Variants in RAB11FIP5 observed in about 807,000 individuals in gnomAD.
RAB11FIP5 encodes rab11 family-interacting protein 5.
Under a neutral mutation model 85.1 loss-of-function variants are expected in RAB11FIP5, and 48 were observed. The observed-to-expected ratio is 0.56, with a 90% confidence interval of 0.45 to 0.72. RAB11FIP5 has a LOEUF of 0.72. Ranked by LOEUF, RAB11FIP5 falls within the 30% of genes least tolerant of loss-of-function variation. The pLI is 0.00. For missense variants in RAB11FIP5, 1,491 were observed against 1,687.0 expected (o/e 0.88, Z 2.04); for synonymous variants, 729 against 727.3 (o/e 1.00, Z -0.04).
At chr2:73,095,779 C>A (rs1273636876) in intron 1 of RAB11FIP5, among the ~76,000 whole-genome samples, 1 of 152,216 alleles carries the variant, frequency 6.6e-6, no homozygotes, top group Non-Finnish European at 1.5e-5. Context: ...AATGCATATA[C>A]TCCTGCCCTG....
Position 73,080,988 on chromosome 2 carries a change from A to C in RAB11FIP5, c.2244T>G (p.Ala748=). Residue 748 remains alanine, a synonymous_variant, in exon 4 of 6, where the codon GCT becomes GCG. Coordinates refer to ENST00000486777, the MANE Select transcript of RAB11FIP5 (RefSeq NM_001371272.1). ...GCTGGGCTGACGAGGAGGGCAGGCCAGCCCCTACCGACCCGAGGAGCCCTG... is the reference window on the plus strand; with the variant it reads ...GCTGGGCTGACGAGGAGGGCAGGCCCGCCCCTACCGACCCGAGGAGCCCTG... The part of the protein sequence containing the change: ...ADPGLLGSVG[A]GLPSSSAQLQ... The C allele has an allele frequency of 8.1e-7, 1 of 1,232,298 alleles. No homozygotes were observed. Among genetic ancestry groups the C allele is most frequent in the Non-Finnish European group, 1.0e-6 (1 of 988,084 alleles). The allele number at this position is 1,232,298 out of a possible 1,614,324, so 76.3% of individuals were successfully genotyped here. A position where few individuals can be genotyped will look rare whatever the true frequency, so the allele number is the denominator to read the frequency against.
In RAB11FIP5 at chr2:73,074,490, T is replaced by C. The variant is rs1992133; in HGVS notation, c.*1031A>G. On this transcript the variant is annotated 3_prime_UTR_variant, in exon 6 of 6. Coordinates refer to ENST00000486777, the MANE Select transcript of RAB11FIP5 (RefSeq NM_001371272.1). ...AGGGGAGGGGAACAGCCCACAGCAG[T>C]GCTGTCCATTCCCATTCCCAGGGCC... The C allele has an allele frequency of 0.34, 52,159 of 153,048 alleles. 11,062 individuals are homozygous for C. Among genetic ancestry groups the C allele is most frequent in the African/African-American group, 0.59 (24,345 of 41,502 alleles). The allele number at this position is 153,048 out of a possible 1,614,324, so 9.5% of individuals were successfully genotyped here.
Position 73,089,269 on chromosome 2 carries a change from C to T in RAB11FIP5, c.478G>A (p.Gly160Ser). ...AACTGGATGGTGACTTCAATCTCGCCGCGTTCCTTCTCCTTCTTGCCTGGC... is the reference window on the plus strand; with the variant it reads ...AACTGGATGGTGACTTCAATCTCGCTGCGTTCCTTCTCCTTCTTGCCTGGC... ...SKPGKKEKER[G>S]EIEVTIQFTR... Residue 160 changes from glycine (G) to serine (S), a missense_variant, in exon 2 of 6, where the codon GGC becomes AGC. Gly to Ser is a moderately conservative substitution (Grantham distance 56). Transcript: ENST00000486777. The surrounding 1 kb of genome is among the most constrained non-coding windows in gnomAD (Gnocchi z 4.6). 4.3e-6 allele frequency: 7 copies of T among 1,614,138 alleles called. No individual in the cohort carries two copies. The highest frequency in any genetic ancestry group is 4.5e-5 in the East Asian group (2 of 44,872).
Position 73,080,073 on chromosome 2 carries a change from A to C in RAB11FIP5, c.3159T>G (p.Ala1053=). ...CATCTTCCTTGGAGACCCACACATC[A>C]GCCTGCTGGGAGGTGGCTGACAAGG... The part of the protein sequence containing the change: ...LGSLSATSQQ[A]DVWVSKEDAL... The change falls in exon 4 of 6, where the codon GCT becomes GCG. Residue 1053 remains alanine, a synonymous_variant. Transcript: ENST00000486777. 8.1e-7 allele frequency: 1 copy of C among 1,232,146 alleles called. No homozygotes were observed. Among genetic ancestry groups the C allele is most frequent in the Non-Finnish European group, 1.0e-6 (1 of 987,992 alleles). 76.3% of individuals were successfully genotyped at this position (1,232,146 alleles called of 1,614,324 possible).
chr2:73,112,680 CCCCGCAGCCCGCGGG>C lies in RAB11FIP5; in HGVS notation c.83_97del (p.Ala28_Arg32del), dbSNP rs1170445901. On this transcript the variant is annotated inframe_deletion, in exon 1 of 6. Transcript: ENST00000486777. Reference sequence around the variant, plus strand: ...GGTGCTGCCCGCTCCCGAGCTCTTGCCCCGCAGCCCGCGGGCCCGCAGCACCGTCACCTGGACGTG... The same window carrying C: ...GGTGCTGCCCGCTCCCGAGCTCTTGCCCCGCAGCACCGTCACCTGGACGTG... 2 of 1,588,488 alleles carry C rather than the reference CCCCGCAGCCCGCGGG, an allele frequency of 1.3e-6. No individual in the cohort carries two copies. The highest frequency in any genetic ancestry group is 8.6e-7 in the Non-Finnish European group (1 of 1,169,542).
Position 73,081,514 on chromosome 2 carries a change from G to A in RAB11FIP5, c.1718C>T (p.Ala573Val). Residue 573 changes from alanine to valine, a missense_variant, in exon 4 of 6, where the codon GCT (alanine) becomes GTT (valine). Coordinates refer to ENST00000486777, the MANE Select transcript of RAB11FIP5 (RefSeq NM_001371272.1). The surrounding 1 kb of genome is among the most constrained non-coding windows in gnomAD (Gnocchi z 4.2). ...GGTGGCGGCAGCGGCAGCAGTGGCA[G>A]CAGCGGGGGAGGCGGCTGCAAAAAG... ...TNLFAAASPA[A>V]ATAAAAATTA... The A allele has an allele frequency of 8.1e-7, 1 of 1,231,400 alleles. No homozygotes were observed. The highest frequency in any genetic ancestry group is 1.0e-6 in the Non-Finnish European group (1 of 986,658). The allele number at this position is 1,231,400 out of a possible 1,614,324, so 76.3% of individuals were successfully genotyped here. A position where few individuals can be genotyped will look rare whatever the true frequency, so the allele number is the denominator to read the frequency against.
chr2:73,095,751 C>G (rs1187690382), intron 1 of RAB11FIP5, among the ~76,000 whole-genome samples: 1 of 152,172 alleles, frequency 6.6e-6, no homozygotes, highest in Non-Finnish European at 1.5e-5. Context: ...TAAGGTTTAG[C>G]AACTTTCAGA....
intron 1 of RAB11FIP5, among the ~76,000 whole-genome samples, chr2:73,093,521 G>A (rs1684258994): frequency 6.6e-6 from 1 of 152,202 alleles, no homozygotes; most frequent in African/African-American, 2.4e-5. Context: ...GTCTGGAGCT[G>A]TTACAACCCT....
In RAB11FIP5 at chr2:73,078,835, G is replaced by A. The variant is rs1683910639; in HGVS notation, c.3581+816C>T. Among the ~76,000 whole-genome samples, 1 of 152,142 alleles carries A rather than the reference G, an allele frequency of 6.6e-6. No homozygotes were observed. Among genetic ancestry groups the A allele is most frequent in the Non-Finnish European group, 1.5e-5 (1 of 68,020 alleles). ...AAGTCACACCCCATCACCTCCCAGT[G>A]CCCTGAGTCTCCAGGCCTCTGCCCA... is the stretch of plus-strand genomic sequence containing the variant. On this transcript the variant is annotated intron_variant, in intron 4 of 5. Coordinates refer to ENST00000486777, the MANE Select transcript of RAB11FIP5 (RefSeq NM_001371272.1). The surrounding 1 kb of genome is among the most constrained non-coding windows in gnomAD (Gnocchi z 4.4).
chr2:73,094,503 C>T (rs1558521325), intron 1 of RAB11FIP5, among the ~76,000 whole-genome samples: 1 of 152,174 alleles, frequency 6.6e-6, no homozygotes, highest in Non-Finnish European at 1.5e-5. Context: ...AGATATAAAT[C>T]CACCCAAGAC....
In RAB11FIP5 at chr2:73,089,064, A is replaced by G. The variant is rs762688714; in HGVS notation, c.683T>C (p.Met228Thr). 6.2e-6 allele frequency: 10 copies of G among 1,614,090 alleles called. No homozygotes were observed. The East Asian group carries it at 2.0e-4, about 32-fold the overall frequency. Residue 228 changes from methionine to threonine, a missense_variant, in exon 2 of 6, where the codon ATG (methionine) becomes ACG (threonine). By Grantham distance (81) the Met-to-Thr change is moderately conservative (BLOSUM62 -1). Around this residue, in one of 3 missense-constraint regions of RAB11FIP5, gnomAD observed 1,211 missense variants for 1,338.0 expected, o/e 0.91. Transcript: ENST00000486777. This position sits in a 1 kb window ranked among gnomAD's most constrained non-coding sequence, Gnocchi z 4.6. ...EDPDLGSLGK[M>T]GKAKGFFLRN... ...GAGGAAGAAGCCTTTGGCTTTGCCCATCTTGCCCAGGCTGCCCAGGTCAGG... is the reference window on the plus strand; with the variant it reads ...GAGGAAGAAGCCTTTGGCTTTGCCCGTCTTGCCCAGGCTGCCCAGGTCAGG...
chr2:73,105,351 T>G (rs976984045), intron 1 of RAB11FIP5, among the ~76,000 whole-genome samples: 3 of 152,182 alleles, frequency 2.0e-5, no homozygotes, highest in African/African-American at 7.2e-5. Context: ...CAAGTGATCC[T>G]CCCACCTCAG....
chr2:73,109,952 C>A (rs1377560627), intron 1 of RAB11FIP5, among the ~76,000 whole-genome samples: 1 of 152,206 alleles, frequency 6.6e-6, no homozygotes, highest in African/African-American at 2.4e-5. Flanking sequence ...TCATCCCTCA[C>A]ATCAACCATA....
rs1158461233 is a variant in RAB11FIP5 at position 73,074,722 on chromosome 2, A to G, written c.*799T>C. 6.2e-6 allele frequency: 1 copy of G among 162,436 alleles called. No homozygotes were observed. The highest frequency in any genetic ancestry group is 2.4e-5 in the African/African-American group (1 of 41,556). The allele number at this position is 162,436 out of a possible 1,614,324, so 10.1% of individuals were successfully genotyped here. A position where few individuals can be genotyped will look rare whatever the true frequency, so the allele number is the denominator to read the frequency against. On this transcript the variant is annotated 3_prime_UTR_variant, in exon 6 of 6. Coordinates refer to ENST00000486777, the MANE Select transcript of RAB11FIP5 (RefSeq NM_001371272.1). ...GAGGCTTGATCCCCAAATCATAAGCAGTCCCAAGCCCCAGCCTGGAGGGAC... is the reference window on the plus strand; with the variant it reads ...GAGGCTTGATCCCCAAATCATAAGCGGTCCCAAGCCCCAGCCTGGAGGGAC...
At chr2:73,091,452 C>T (rs1684207845) in intron 1 of RAB11FIP5, among the ~76,000 whole-genome samples, 1 of 151,940 alleles carries the variant, frequency 6.6e-6, no homozygotes, top group South Asian at 2.1e-4. Context: ...AGCACACACA[C>T]ACATACACAC....
At chr2:73,092,906 G>C (rs1684244640) in intron 1 of RAB11FIP5, among the ~76,000 whole-genome samples, 1 of 152,088 alleles carries the variant, frequency 6.6e-6, no homozygotes, top group South Asian at 2.1e-4. Flanking sequence ...CTGGCACCTT[G>C]GCCACCCTGG....
chr2:73,112,596 TC>T lies in RAB11FIP5; in HGVS notation c.181del (p.Glu61ArgfsTer113). On this transcript the variant is annotated frameshift_variant, in exon 1 of 6. Transcript: ENST00000486777. LOFTEE classifies it high-confidence loss of function. The stretch of plus-strand genomic sequence containing the variant: ...CCACTCGGGGCAGCCGTGCGTCTTC[TC>T]CACCACCGACGTACTGTACTTCTCG... ...GREKYSTSVV[E>X]KTHGCPEWRE... 1 of 1,599,700 alleles carries T rather than the reference TC, an allele frequency of 6.3e-7. No individual in the cohort carries two copies. The highest frequency in any genetic ancestry group is 1.4e-5 in the African/African-American group (1 of 73,182).
Position 73,075,578 on chromosome 2 carries a change from C to T in RAB11FIP5, c.3918G>A (p.Val1306=), listed in dbSNP as rs776392843. 1.1e-5 allele frequency: 18 copies of T among 1,614,128 alleles called. No individual in the cohort carries two copies. The highest frequency in any genetic ancestry group is 6.7e-5 in the Admixed American group (4 of 60,026). The stretch of plus-strand genomic sequence containing the variant: ...GCGTGGGTGAGGTCTCCATGATCCG[C>T]ACCAGCAGCCGGTCGATGTAGCTCT... The part of the protein sequence containing the change: ...ELESYIDRLL[V]RIMETSPTLL... Residue 1306 remains valine (V), a synonymous_variant, in exon 6 of 6, where the codon GTG becomes GTA. Coordinates refer to ENST00000486777, the MANE Select transcript of RAB11FIP5 (RefSeq NM_001371272.1). This position sits in a 1 kb window ranked among gnomAD's most constrained non-coding sequence, Gnocchi z 4.6.
In RAB11FIP5 at chr2:73,112,427, G is replaced by T; in HGVS notation, c.351C>A (p.Leu117=). ...ELVLTTMHRS[L]IGVDKFLGQA... The stretch of plus-strand genomic sequence containing the variant: ...GGCCCAGGAACTTGTCGACGCCGAT[G>T]AGCGAGCGGTGCATGGTGGTGAGCA... The change falls in exon 1 of 6, where the codon CTC becomes CTA. Residue 117 remains leucine (L), a synonymous_variant. Transcript: ENST00000486777. 6.2e-7 allele frequency: 1 copy of T among 1,601,584 alleles called. No homozygotes were observed. Among genetic ancestry groups the T allele is most frequent in the South Asian group, 1.1e-5 (1 of 90,626 alleles).
Sources: allele counts gnomAD v4.1 joint callset (sites outside exome capture counted in the v4.1 genomes callset), GRCh38; gene constraint gnomAD v4.1.1; regional missense constraint gnomAD v4.1.1; non-coding constraint Gnocchi (gnomAD v3.1); transcripts MANE v1.5; gene names NCBI Gene and HGNC (gene_info 2026-07-23, HGNC 2026-07-21).